Variants in SDK2 observed in about 807,000 individuals in gnomAD.
The protein encoded by SDK2 is protein sidekick-2.
A neutral mutation model predicts 253.9 loss-of-function variants in SDK2; 105 were observed. The ratio of observed to expected loss-of-function variants is 0.41; its 90% CI spans 0.35 to 0.49. SDK2 has a LOEUF of 0.49. SDK2 is among the 20% of genes least tolerant of loss of function. The probability of loss-of-function intolerance (pLI) is 0.06; values close to 1 mark genes in which losing one functional copy is unlikely to be tolerated. For synonymous variants in SDK2, 1,249 were observed against 1,234.9 expected, an observed-to-expected ratio of 1.01 and a Z score of -0.24; for missense variants, 2,608 against 3,003.0, an observed-to-expected ratio of 0.87 and a Z score of 3.07.
intron 3 of SDK2, among the ~76,000 whole-genome samples, chr17:73,466,980 G>A (rs550778502): frequency 6.6e-5 from 10 of 152,254 alleles, no homozygotes; most frequent in Admixed American, 5.2e-4. Flanking sequence ...AAGACATGCC[G>A]TTATTTCAGG....
Position 73,643,975 on chromosome 17 carries a change from G to T in SDK2, c.64+50C>A, listed in dbSNP as rs775309097. On this transcript the variant is annotated intron_variant, in intron 1 of 44. Transcript: ENST00000392650. This position sits in a 1 kb window ranked among gnomAD's most constrained non-coding sequence, Gnocchi z 6.9. ...GGCCAGCTCCCGCCGCCCCTCCCCC[G>T]CCCACTCTCCCAGCCCCCTCCCTGT... 1 of 335,332 alleles carries T rather than the reference G, an allele frequency of 3.0e-6. No individual in the cohort carries two copies. The highest frequency in any genetic ancestry group is 2.9e-5 in the South Asian group (1 of 35,066). The allele number at this position is 335,332 out of a possible 1,614,324, so 20.8% of individuals were successfully genotyped here. A position where few individuals can be genotyped will look rare whatever the true frequency, so the allele number is the denominator to read the frequency against.
chr17:73,623,460 G>C (rs947465618), intron 1 of SDK2, among the ~76,000 whole-genome samples: 3 of 152,182 alleles, frequency 2.0e-5, no homozygotes, highest in Non-Finnish European at 4.4e-5. Flanking sequence ...AAGAGCCCTG[G>C]GGGGAAGGAA....
chr17:73,459,760 C>T (rs752651638), intron 3 of SDK2, among the ~76,000 whole-genome samples: 8 of 151,888 alleles, frequency 5.3e-5, no homozygotes, highest in Admixed American at 3.9e-4. Flanking sequence ...TCATGAACTC[C>T]GGCCTTAAAG....
chr17:73,529,643 A>G (rs2064153904), intron 1 of SDK2, among the ~76,000 whole-genome samples: 2 of 152,200 alleles, frequency 1.3e-5, no homozygotes, highest in Non-Finnish European at 2.9e-5. Context: ...CAAGAAGACC[A>G]GGTGAAGCCA....
chr17:73,438,228 G>C (rs1421985093), intron 6 of SDK2, 74 bp from the exon 7 acceptor site: 9 of 1,399,800 alleles, frequency 6.4e-6, no homozygotes, highest in Non-Finnish European at 7.8e-6. Context: ...GCAGGGGGTG[G>C]TAAGGAGTGT....
chr17:73,414,866 A>AC (rs950394744), intron 17 of SDK2, 107 bp from the exon 18 acceptor site: 2 of 662,932 alleles, frequency 3.0e-6, no homozygotes, highest in African/African-American at 3.6e-5. Context: ...TCTGCCTTGC[A>AC]CCCCCCTACC....
At chr17:73,550,951 C>A (rs1190140209) in intron 1 of SDK2, among the ~76,000 whole-genome samples, 2 of 152,170 alleles carry the variant, frequency 1.3e-5, no homozygotes, top group East Asian at 3.9e-4. Flanking sequence ...GAGACCCCAG[C>A]TTCTCTCCCT....
intron 1 of SDK2, among the ~76,000 whole-genome samples, chr17:73,538,383 C>T (rs2044814272): frequency 6.6e-6 from 1 of 152,198 alleles, no homozygotes; most frequent in African/African-American, 2.4e-5. Flanking sequence ...CTGGCCTCCA[C>T]CCATCTCTCT....
Position 73,387,948 on chromosome 17 carries a change from C to T in SDK2, c.4282G>A (p.Gly1428Arg), listed in dbSNP as rs749315984. ...GTGTAGTAGCGCACAGGGGAGAGCC[C>T]GTCGCTCCCTGGCTCCCAGGACAGC... ...VLLSWEPGSD[G>R]LSPVRYYTIQ... The change falls in exon 30 of 45, where the codon GGG becomes AGG. Residue 1428 changes from glycine (G) to arginine (R), a missense_variant. Coordinates refer to ENST00000392650, the MANE Select transcript of SDK2 (RefSeq NM_001144952.2). 30 of 1,578,056 alleles carry T rather than the reference C, an allele frequency of 1.9e-5. No homozygotes were observed. The highest frequency in any genetic ancestry group is 1.2e-4 in the African/African-American group (9 of 74,052).
chr17:73,564,779 C>G (rs369581240), intron 1 of SDK2, among the ~76,000 whole-genome samples: 1 of 151,624 alleles, frequency 6.6e-6, no homozygotes, highest in African/African-American at 2.4e-5. Context: ...GGGCCGAGAT[C>G]GCGCCACTGC....
At chr17:73,413,732 G>C (rs945626110) in intron 18 of SDK2, among the ~76,000 whole-genome samples, 1 of 152,216 alleles carries the variant, frequency 6.6e-6, no homozygotes, top group African/African-American at 2.4e-5. Context: ...AGAAAACTGA[G>C]TTTATTTTAG....
intron 1 of SDK2, among the ~76,000 whole-genome samples, chr17:73,527,718 G>A (rs1365159721): frequency 1.3e-5 from 2 of 152,210 alleles, no homozygotes; most frequent in Non-Finnish European, 2.9e-5. Context: ...TAGGTGTGCC[G>A]GCTGAGAGTC....
At chr17:73,536,840 C>T (rs2044782264) in intron 1 of SDK2, among the ~76,000 whole-genome samples, 1 of 152,216 alleles carries the variant, frequency 6.6e-6, no homozygotes, top group Admixed American at 6.5e-5. Context: ...GCCTCCTTCC[C>T]TACTCCGCCT....
intron 18 of SDK2, among the ~76,000 whole-genome samples, chr17:73,408,211 C>A (rs944309374): frequency 1.3e-5 from 2 of 150,758 alleles, no homozygotes; most frequent in South Asian, 4.2e-4. Flanking sequence ...ACCACTACAC[C>A]TGGCTAATTT....
In SDK2 at chr17:73,618,178, G is replaced by T. The variant is rs147196725; in HGVS notation, c.64+25847C>A. ...CCTGCAGGTAGGGAAATGGTAATTT[G>T]CTAACCCAAACCCATTCATTAGCCT... is the stretch of plus-strand genomic sequence containing the variant. On this transcript the variant is annotated intron_variant, in intron 1 of 44. Transcript: ENST00000392650. This position sits in a 1 kb window ranked among gnomAD's most constrained non-coding sequence, Gnocchi z 4.1. Among the ~76,000 whole-genome samples, 4 of 152,190 alleles carry T rather than the reference G, an allele frequency of 2.6e-5. No homozygotes were observed. Among genetic ancestry groups the T allele is most frequent in the Non-Finnish European group, 5.9e-5 (4 of 68,034 alleles).
At chr17:73,483,700 TA>T (rs1567799524) in intron 2 of SDK2, among the ~76,000 whole-genome samples, 2 of 81,730 alleles carry the variant, frequency 2.4e-5, no homozygotes, top group South Asian at 4.1e-4. Flanking sequence ...TATATATATA[TA>T]TATATATTTT....
chr17:73,387,024 G>A (rs538599793), intron 30 of SDK2, among the ~76,000 whole-genome samples: 4 of 152,206 alleles, frequency 2.6e-5, no homozygotes, highest in Admixed American at 2.0e-4. Flanking sequence ...GCAGTGGTGC[G>A]ATCTTGGCTC....
intron 36 of SDK2, among the ~76,000 whole-genome samples, chr17:73,373,891 C>G (rs1427003734): frequency 0.056 from 7,598 of 134,552 alleles, 555 homozygotes; most frequent in East Asian, 0.15. Context: ...CCTACCTTGG[C>G]TTCCCAAAGT....
At chr17:73,617,383 T>C (rs2046074884) in intron 1 of SDK2, among the ~76,000 whole-genome samples, 1 of 151,926 alleles carries the variant, frequency 6.6e-6, no homozygotes, top group African/African-American at 2.4e-5. Flanking sequence ...TCAATGCTTC[T>C]CTTTCTAGGA....
Sources: gnomAD v4.1 joint callset for allele counts (sites outside exome capture counted in the v4.1 genomes callset) on GRCh38, gnomAD v4.1.1 for gene constraint, Gnocchi (gnomAD v3.1) non-coding constraint, MANE v1.5 for transcripts, NCBI Gene and HGNC (gene_info 2026-07-23, HGNC 2026-07-21) for gene names.